The following FHIT variants were observed in gnomAD, a reference collection of about 807,000 sequenced individuals.
The protein encoded by FHIT is fragile histidine triad diadenosine triphosphatase, also known as bis(5'-adenosyl)-triphosphatase.
Under a neutral mutation model 17.9 loss-of-function variants are expected in FHIT, and 19 were observed. The observed-to-expected ratio is 1.06, with a 90% CI of 0.74 to 1.56. The LOEUF is 1.56. Among genes scored for constraint, FHIT ranks in the 40% most tolerant of loss-of-function variants. The pLI, the probability that FHIT is intolerant of heterozygous loss-of-function variation, is 0.00. For missense variants in FHIT, 248 were observed against 189.2 expected, an observed-to-expected ratio of 1.31 and a Z score of -1.82; for synonymous variants, 81 against 69.7, an observed-to-expected ratio of 1.16 and a Z score of -0.81.
chr3:60,943,248 G>A (rs1012812770), intron 3 of FHIT, among the ~76,000 whole-genome samples: 6 of 152,140 alleles, frequency 3.9e-5, no homozygotes, highest in Admixed American at 6.5e-5. Flanking sequence ...AATACTTCTT[G>A]GTGACTGTGT....
intron 5 of FHIT, among the ~76,000 whole-genome samples, chr3:60,265,395 C>G (rs1294479746): frequency 6.6e-6 from 1 of 151,932 alleles, no homozygotes; most frequent in African/African-American, 2.4e-5. Context: ...AAGGCTCCTA[C>G]TTCATAGAAT....
chr3:61,237,802 G>C (rs2040269514), intron 1 of FHIT, among the ~76,000 whole-genome samples: 1 of 152,188 alleles, frequency 6.6e-6, no homozygotes, highest in African/African-American at 2.4e-5. Context: ...GAGAGGTTGA[G>C]CACTTCACTC....
chr3:60,147,490 G>T (rs1700290286), intron 5 of FHIT, among the ~76,000 whole-genome samples: 1 of 152,118 alleles, frequency 6.6e-6, no homozygotes, highest in African/African-American at 2.4e-5. Flanking sequence ...CCGCCACCGT[G>T]GGTGTCATAA....
At chr3:59,856,989 C>A (rs1218312437) in intron 8 of FHIT, among the ~76,000 whole-genome samples, 6 of 152,008 alleles carry the variant, frequency 3.9e-5, no homozygotes, top group African/African-American at 1.5e-4. Flanking sequence ...CACCCAAAGT[C>A]ACATAAGTTG....
At chr3:60,419,620 A>T (rs1328926772) in intron 5 of FHIT, among the ~76,000 whole-genome samples, 1 of 152,160 alleles carries the variant, frequency 6.6e-6, no homozygotes, top group Non-Finnish European at 1.5e-5. Context: ...CATTTCCATT[A>T]GCACATGTGT....
intron 5 of FHIT, among the ~76,000 whole-genome samples, chr3:60,173,349 T>C (rs1357424630): frequency 6.6e-6 from 1 of 152,124 alleles, no homozygotes; most frequent in Non-Finnish European, 1.5e-5. Context: ...ATGATACTTG[T>C]GGTAGTGCAG....
At position 60,788,895 on chromosome 3, in the gene FHIT, A is replaced by T. The variant is rs1004720343; in HGVS notation, c.-18+33024T>A. ...TTCAATTTTACTTCAAATGTTTTAC[A>T]TAGGCTAAAATTGAAACTAAAATGC... On this transcript the variant is annotated intron_variant, in intron 4 of 9. Coordinates refer to ENST00000492590, the MANE Select transcript of FHIT (RefSeq NM_002012.4). Among the ~76,000 whole-genome samples, 3 of 152,058 alleles carry T rather than the reference A, an allele frequency of 2.0e-5. No homozygotes were observed. In the South Asian group the frequency reaches 6.2e-4, roughly 31 times the overall value.
At chr3:60,051,162 C>T (rs1245960342) in intron 5 of FHIT, among the ~76,000 whole-genome samples, 1 of 151,998 alleles carries the variant, frequency 6.6e-6, no homozygotes, top group Non-Finnish European at 1.5e-5. Context: ...GAAGGTTGGG[C>T]CTCTCAGCAG....
intron 5 of FHIT, among the ~76,000 whole-genome samples, chr3:60,338,209 A>T (rs1164526904): frequency 1.3e-5 from 2 of 152,154 alleles, no homozygotes; most frequent in African/African-American, 4.8e-5. Context: ...ATTCCACTTT[A>T]AGACTATAGC....
At chr3:60,889,551 C>T (rs1479984096) in intron 3 of FHIT, among the ~76,000 whole-genome samples, 2 of 152,186 alleles carry the variant, frequency 1.3e-5, no homozygotes, top group African/African-American at 2.4e-5. Flanking sequence ...GATGAACAAA[C>T]ATTCTTCTAG....
At chr3:60,363,211 G>A (rs6784469) in intron 5 of FHIT, among the ~76,000 whole-genome samples, 78,008 of 151,924 alleles carry the variant, frequency 0.51, 22,019 homozygotes, top group African/African-American at 0.75. Flanking sequence ...CCCCACATCA[G>A]TCCTTACCAT....
intron 8 of FHIT, among the ~76,000 whole-genome samples, chr3:59,785,568 C>G (rs1193519202): frequency 6.6e-6 from 1 of 152,172 alleles, no homozygotes; most frequent in Non-Finnish European, 1.5e-5. Flanking sequence ...ATCCGCCCAC[C>G]TTGGCCTCCC....
intron 5 of FHIT, among the ~76,000 whole-genome samples, chr3:60,521,045 A>G (rs952107327): frequency 3.9e-5 from 6 of 152,090 alleles, no homozygotes; most frequent in Non-Finnish European, 2.9e-5. Flanking sequence ...TTTTAATGCC[A>G]TTTTTAAATG....
intron 5 of FHIT, among the ~76,000 whole-genome samples, chr3:60,374,975 G>T (rs1028673876): frequency 2.0e-5 from 3 of 152,094 alleles, no homozygotes; most frequent in Non-Finnish European, 4.4e-5. Flanking sequence ...GTCAGGGAAG[G>T]TTTCTGCAAT....
At chr3:61,009,243 T>C (rs1388049702) in intron 3 of FHIT, among the ~76,000 whole-genome samples, 2 of 152,118 alleles carry the variant, frequency 1.3e-5, no homozygotes. Context: ...GCAGCAGGGG[T>C]GCAGGCATGA....
At chr3:60,123,918 G>A (rs928389056) in intron 5 of FHIT, among the ~76,000 whole-genome samples, 5 of 139,426 alleles carry the variant, frequency 3.6e-5, no homozygotes, top group Admixed American at 1.5e-4. Context: ...TCCTATCCAC[G>A]ACTTAGTTTT....
intron 4 of FHIT, among the ~76,000 whole-genome samples, chr3:60,659,910 C>A (rs1553690616): frequency 1.3e-5 from 2 of 152,098 alleles, no homozygotes; most frequent in Admixed American, 6.6e-5. Context: ...AAATCAGATT[C>A]TCCTTCCCCT....
At chr3:59,810,871 G>A (rs1250128437) in intron 8 of FHIT, among the ~76,000 whole-genome samples, 1 of 152,192 alleles carries the variant, frequency 6.6e-6, no homozygotes, top group Non-Finnish European at 1.5e-5. Context: ...GTCAGGTTTT[G>A]AGCCAAGTAG....
At chr3:59,907,594 C>A (rs776557770) in intron 8 of FHIT, among the ~76,000 whole-genome samples, 1 of 152,184 alleles carries the variant, frequency 6.6e-6, no homozygotes, top group African/African-American at 2.4e-5. Flanking sequence ...TGAGTGGGCA[C>A]GTGCATGCAT....
Sources: allele counts gnomAD v4.1 joint callset (sites outside exome capture counted in the v4.1 genomes callset), GRCh38; gene constraint gnomAD v4.1.1; transcripts MANE v1.5; gene names NCBI Gene and HGNC (gene_info 2026-07-23, HGNC 2026-07-21).